UTP11: variants seen among roughly 807,000 people sequenced by gnomAD.
UTP11 encodes probable U3 small nucleolar RNA-associated protein 11.
UTP11 carries 29 observed loss-of-function variants against 39.0 expected under a neutral mutation model. The observed-to-expected ratio is 0.74, with a 90% confidence interval of 0.55 to 1.01. The LOEUF is 1.01. UTP11 is among the 50% of genes least tolerant of loss of function. UTP11 has a pLI of 0.00. For synonymous variants in UTP11, 111 were observed against 105.0 expected, an observed-to-expected ratio of 1.06 and a Z score of -0.35; for missense variants, 281 against 306.0, an observed-to-expected ratio of 0.92 and a Z score of 0.61.
At position 38,012,819 on chromosome 1, in the gene UTP11, G is replaced by A; in HGVS notation, c.17G>A (p.Arg6Gln). 6.2e-7 allele frequency: 1 copy of A among 1,614,212 alleles called. No individual in the cohort carries two copies. The highest frequency in any genetic ancestry group is 8.5e-7 in the Non-Finnish European group (1 of 1,180,042). ...TGTACAGACATGGCGGCGGCTTTTC[G>A]GAAGGCGGCTAAGTCCCGGCAGCGG... MAAAF[R>Q]KAAKSRQREH... Residue 6 changes from arginine (R) to glutamine (Q), a missense_variant, in exon 1 of 8, where the codon CGG becomes CAG. Physicochemically the swap from Arg to Gln is conservative, Grantham distance 43. Transcript: ENST00000373014.
At chr1:38,016,651 T>TC in intron 2 of UTP11, 1 of 480,608 alleles carries the variant, frequency 2.1e-6, no homozygotes, top group Admixed American at 3.4e-5. Context: ...TTGTATTATG[T>TC]TGTTCCAGAT....
intron 2 of UTP11, chr1:38,016,630 T>C: frequency 1.9e-6 from 1 of 538,980 alleles, no homozygotes; most frequent in East Asian, 3.2e-5. Flanking sequence ...TGTAGTTGCA[T>C]TGTGAATTAT....
In UTP11 at chr1:38,017,756, C is replaced by T. The variant is rs146566085; in HGVS notation, c.214C>T (p.Arg72Trp). The T allele has an allele frequency of 1.6e-4, 261 of 1,611,246 alleles. 1 individual carries two copies. In the African/African-American group the frequency reaches 2.0e-3, roughly 13 times the overall value. The change falls in exon 3 of 8, where the codon CGG becomes TGG. Residue 72 changes from arginine (R) to tryptophan (W), a missense_variant. Arg to Trp is a moderately radical substitution (Grantham distance 101). Coordinates refer to ENST00000373014, the MANE Select transcript of UTP11 (RefSeq NM_016037.4). ...NPDEFYYKMT[R>W]VKLQDGVHII... ...AGATGAATTCTACTACAAAATGACT[C>T]GGGTTAAACTCCAGGTGGGTGCCCA... is the stretch of plus-strand genomic sequence containing the variant.
intron 6 of UTP11, among the ~76,000 whole-genome samples, chr1:38,020,720 T>G (rs1382286499): frequency 6.6e-6 from 1 of 152,250 alleles, no homozygotes. Context: ...TTTGACTATA[T>G]TGGGTAATCC....
intron 6 of UTP11, among the ~76,000 whole-genome samples, chr1:38,022,064 C>T (rs923539817): frequency 6.6e-6 from 1 of 152,196 alleles, no homozygotes; most frequent in African/African-American, 2.4e-5. Context: ...GTAAGATTTT[C>T]AGGCACCAGC....
intron 3 of UTP11, 77 bp from the exon 4 acceptor site, chr1:38,018,387 C>G: frequency 1.1e-5 from 12 of 1,103,214 alleles, no homozygotes; most frequent in Non-Finnish European, 1.5e-5. Context: ...TGTCTTTGTT[C>G]TAGCCGTGCA....
In UTP11 at chr1:38,012,858, G is replaced by A; in HGVS notation, c.56G>A (p.Arg19Gln). The A allele has an allele frequency of 6.2e-7, 1 of 1,614,220 alleles. No homozygotes were observed. ...AKSRQREHRE[R>Q]SQPGFRKHLG... is the part of the protein sequence containing the mutation. The stretch of plus-strand genomic sequence containing the variant: ...TCCCGGCAGCGGGAACACAGAGAGC[G>A]AAGCCAGGTAGGACCATACAGGCCC... The change falls in exon 1 of 8, where the codon CGA becomes CAA. Residue 19 changes from arginine (R) to glutamine (Q), a missense_variant. Coordinates refer to ENST00000373014, the MANE Select transcript of UTP11 (RefSeq NM_016037.4).
chr1:38,019,440 T>TTG, intron 6 of UTP11, 57 bp downstream of exon 6: 1 of 1,376,424 alleles, frequency 7.3e-7, no homozygotes, highest in Non-Finnish European at 9.6e-7. Context: ...GTGTTTTTTT[T>TTG]TTGTTTTTTT....
intron 6 of UTP11, among the ~76,000 whole-genome samples, chr1:38,021,364 A>G (rs1646736696): frequency 6.6e-6 from 1 of 152,136 alleles, no homozygotes; most frequent in African/African-American, 2.4e-5. Flanking sequence ...GATTTTTGCC[A>G]TTTTTGTCTA....
At position 38,017,773 on chromosome 1, in the gene UTP11, G is replaced by A. The variant is rs1045044768; in HGVS notation, c.228+3G>A. On this transcript the variant is annotated splice_donor_region_variant and intron_variant, in intron 3 of 7. Transcript: ENST00000373014. ...AAATGACTCGGGTTAAACTCCAGGTGGGTGCCCAATGGCTTGGTTGGTGTT... is the reference window on the plus strand; with the variant it reads ...AAATGACTCGGGTTAAACTCCAGGTAGGTGCCCAATGGCTTGGTTGGTGTT... The A allele has an allele frequency of 6.2e-7, 1 of 1,604,836 alleles. No homozygotes were observed. The highest frequency in any genetic ancestry group is 8.5e-7 in the Non-Finnish European group (1 of 1,177,024).
At chr1:38,020,367 G>A (rs1047578502) in intron 6 of UTP11, among the ~76,000 whole-genome samples, 1 of 152,144 alleles carries the variant, frequency 6.6e-6, no homozygotes, top group African/African-American at 2.4e-5. Flanking sequence ...GCCTCCTGAA[G>A]TGTTGGGATT....
chr1:38,022,606 CTA>C (rs1429185126), intron 6 of UTP11, 91 bp from the exon 7 acceptor site: 14 of 787,940 alleles, frequency 1.8e-5, no homozygotes, highest in Non-Finnish European at 2.8e-5. Flanking sequence ...GTTGATGAAA[CTA>C]TGCAGTTGGC....
At chr1:38,013,661 G>A (rs1366650418) in intron 1 of UTP11, among the ~76,000 whole-genome samples, 1 of 152,082 alleles carries the variant, frequency 6.6e-6, no homozygotes, top group Non-Finnish European at 1.5e-5. Context: ...CTGACTGATG[G>A]GATAGAACTA....
chr1:38,018,020 G>A (rs1198333295), intron 3 of UTP11, among the ~76,000 whole-genome samples: 1 of 151,980 alleles, frequency 6.6e-6, no homozygotes, highest in Non-Finnish European at 1.5e-5. Flanking sequence ...TTGAACGTAC[G>A]CCTCAGGGGC....
chr1:38,019,487 TA>T, intron 6 of UTP11, 104 bp downstream of exon 6: 1 of 1,037,536 alleles, frequency 9.6e-7, no homozygotes. Flanking sequence ...TTTTAAAATT[TA>T]TTTTATTTTA....
At chr1:38,020,358 C>A (rs1259278786) in intron 6 of UTP11, among the ~76,000 whole-genome samples, 1 of 152,150 alleles carries the variant, frequency 6.6e-6, no homozygotes, top group East Asian at 1.9e-4. Context: ...CCCGCCTTGG[C>A]CTCCTGAAGT....
At chr1:38,019,764 G>T (rs144060965) in intron 6 of UTP11, among the ~76,000 whole-genome samples, 2 of 152,272 alleles carry the variant, frequency 1.3e-5, no homozygotes, top group Admixed American at 6.5e-5. Context: ...GATTACAAGC[G>T]TGAGCCACTG....
chr1:38,022,666 T>C, intron 6 of UTP11, 33 bp from the exon 7 acceptor site: 1 of 1,480,222 alleles, frequency 6.8e-7, no homozygotes, highest in Non-Finnish European at 9.4e-7. Flanking sequence ...TCCTGTTCAT[T>C]GTTCACTGAG....
chr1:38,018,562 GGT>G lies in UTP11; in HGVS notation c.328_329del (p.Val110CysfsTer4). 2 of 1,601,014 alleles carry G rather than the reference GGT, an allele frequency of 1.2e-6. No individual in the cohort carries two copies. The highest frequency in any genetic ancestry group is 1.7e-6 in the Non-Finnish European group (2 of 1,169,900). On this transcript the variant is annotated frameshift_variant, in exon 4 of 8. Transcript: ENST00000373014. LOFTEE classifies it high-confidence loss of function. The stretch of plus-strand genomic sequence containing the variant: ...ACGTCAAATATATAGAAATGAAGAG[GGT>G]TGCAGAAGCTAAGGTAATTCACTCT... ...QDVKYIEMKR[V>X]AEAKKIERLK...
Sources: allele counts gnomAD v4.1 joint callset (sites outside exome capture counted in the v4.1 genomes callset), GRCh38; gene constraint gnomAD v4.1.1; transcripts MANE v1.5; gene names NCBI Gene and HGNC (gene_info 2026-07-23, HGNC 2026-07-21).